The following LY86 variants were observed in gnomAD, a reference collection of about 807,000 sequenced individuals.
The protein encoded by LY86 is lymphocyte antigen 86, also known as MD-1, RP105-associated.
LY86 carries 20 observed loss-of-function variants against 17.3 expected under a neutral mutation model. The observed-to-expected ratio is 1.15, with a 90% confidence interval of 0.81 to 1.68. LY86 has a LOEUF of 1.68. Among genes scored for constraint, LY86 ranks in the 40% most tolerant of loss-of-function variants. The pLI, the probability that LY86 is intolerant of heterozygous loss-of-function variation, is 0.00. For missense variants in LY86, 200 were observed against 191.9 expected, an observed-to-expected ratio of 1.04 and a Z score of -0.25; for synonymous variants, 74 against 70.6, an observed-to-expected ratio of 1.05 and a Z score of -0.24.
intron 4 of LY86, among the ~76,000 whole-genome samples, chr6:6,650,442 C>T (rs558584787): frequency 6.6e-6 from 1 of 151,144 alleles, no homozygotes; most frequent in African/African-American, 2.4e-5. Context: ...TCAAGCTATT[C>T]TTCCGCCTCA....
At chr6:6,613,889 T>C (rs534068887) in intron 1 of LY86, among the ~76,000 whole-genome samples, 2 of 152,178 alleles carry the variant, frequency 1.3e-5, no homozygotes, top group Non-Finnish European at 2.9e-5. Context: ...CACAGTGCAG[T>C]GTAAAGAGCG....
intron 3 of LY86, among the ~76,000 whole-genome samples, chr6:6,627,802 A>G (rs1159889015): frequency 6.6e-6 from 1 of 152,168 alleles, no homozygotes; most frequent in African/African-American, 2.4e-5. Flanking sequence ...AACTTCATAA[A>G]TGTGTAACTG....
intron 1 of LY86, among the ~76,000 whole-genome samples, chr6:6,613,460 G>A (rs1229410604): frequency 1.3e-5 from 2 of 152,178 alleles, no homozygotes; most frequent in Non-Finnish European, 2.9e-5. Flanking sequence ...AAGGCCCGGT[G>A]AGAAATCGAG....
chr6:6,619,827 C>G (rs76282872), intron 1 of LY86, among the ~76,000 whole-genome samples: 1,578 of 151,452 alleles, frequency 0.01, 32 homozygotes, highest in African/African-American at 0.037. Context: ...AAAAGAGAAA[C>G]AGAGAGAGAG....
chr6:6,599,737 G>A (rs774322154), intron 1 of LY86, among the ~76,000 whole-genome samples: 2 of 152,224 alleles, frequency 1.3e-5, no homozygotes, highest in African/African-American at 4.8e-5. Context: ...AAGAGCCTCA[G>A]GGCTTCAAGC....
At chr6:6,612,876 T>C (rs1016975355) in intron 1 of LY86, among the ~76,000 whole-genome samples, 11 of 151,954 alleles carry the variant, frequency 7.2e-5, no homozygotes, top group African/African-American at 2.7e-4. Flanking sequence ...TTACATTCCC[T>C]TAGCTAGACA....
At chr6:6,647,791 C>T (rs891646323) in intron 3 of LY86, among the ~76,000 whole-genome samples, 5 of 152,118 alleles carry the variant, frequency 3.3e-5, no homozygotes, top group African/African-American at 1.2e-4. Flanking sequence ...AATTCTATCT[C>T]CTTTGGGTGA....
At chr6:6,599,260 C>T (rs1760822428) in intron 1 of LY86, among the ~76,000 whole-genome samples, 1 of 152,188 alleles carries the variant, frequency 6.6e-6, no homozygotes, top group South Asian at 2.1e-4. Flanking sequence ...AAGACAGAAT[C>T]ACGAGAGATG....
intron 1 of LY86, among the ~76,000 whole-genome samples, chr6:6,617,570 C>T (rs1053241052): frequency 5.9e-5 from 9 of 152,122 alleles, no homozygotes; most frequent in African/African-American, 2.2e-4. Context: ...ATTATACATA[C>T]GATGATACCA....
intron 3 of LY86, among the ~76,000 whole-genome samples, chr6:6,639,949 T>C (rs149074670): frequency 3.3e-5 from 5 of 152,302 alleles, no homozygotes; most frequent in African/African-American, 1.2e-4. Flanking sequence ...TTAAAATGCT[T>C]TCATAGAAGT....
chr6:6,623,657 G>T (rs1245862647), intron 1 of LY86, among the ~76,000 whole-genome samples: 1 of 152,170 alleles, frequency 6.6e-6, no homozygotes, highest in African/African-American at 2.4e-5. Context: ...GCTTACTGTG[G>T]ATCAGACTGT....
intron 1 of LY86, among the ~76,000 whole-genome samples, chr6:6,591,799 G>C (rs1273313224): frequency 1.3e-5 from 2 of 152,332 alleles, no homozygotes; most frequent in East Asian, 1.9e-4. Flanking sequence ...CTGTGGTCTA[G>C]AGTTTAATCA....
intron 1 of LY86, among the ~76,000 whole-genome samples, chr6:6,603,632 A>C (rs577411281): frequency 8.4e-4 from 114 of 135,862 alleles, no homozygotes; most frequent in Middle Eastern, 4.0e-3. Context: ...AAAAAAACAA[A>C]ACACACACAC....
chr6:6,595,225 G>C (rs1415019765), intron 1 of LY86, among the ~76,000 whole-genome samples: 1 of 150,510 alleles, frequency 6.6e-6, no homozygotes, highest in Non-Finnish European at 1.5e-5. Context: ...AAGGGGAAAA[G>C]GAGTAGGAGG....
At chr6:6,596,266 TA>T (rs1760710310) in intron 1 of LY86, among the ~76,000 whole-genome samples, 1 of 152,172 alleles carries the variant, frequency 6.6e-6, no homozygotes, top group Non-Finnish European at 1.5e-5. Context: ...ACCAACAGGA[TA>T]TATTGATAAA....
At chr6:6,619,889 AGAG>A (rs1302741881) in intron 1 of LY86, among the ~76,000 whole-genome samples, 1 of 152,088 alleles carries the variant, frequency 6.6e-6, no homozygotes, top group Admixed American at 6.5e-5. Flanking sequence ...GGAAGAGAGA[AGAG>A]GAGAGCTAGG....
intron 1 of LY86, among the ~76,000 whole-genome samples, chr6:6,611,518 C>T (rs1761331504): frequency 6.6e-6 from 1 of 152,188 alleles, no homozygotes; most frequent in Admixed American, 6.5e-5. Flanking sequence ...TCTGTAATTA[C>T]TGCAAGTATT....
At chr6:6,619,687 G>A (rs1157382354) in intron 1 of LY86, among the ~76,000 whole-genome samples, 1 of 152,202 alleles carries the variant, frequency 6.6e-6, no homozygotes, top group Non-Finnish European at 1.5e-5. Flanking sequence ...GCACATGCAG[G>A]AAGCAATACC....
At chr6:6,600,786 AT>A (rs1431873001) in intron 1 of LY86, among the ~76,000 whole-genome samples, 1 of 151,982 alleles carries the variant, frequency 6.6e-6, no homozygotes, top group Non-Finnish European at 1.5e-5. Context: ...CACTGGGATC[AT>A]TTGCCACGGG....
Sources: allele counts gnomAD v4.1 joint callset (sites outside exome capture counted in the v4.1 genomes callset), GRCh38; gene constraint gnomAD v4.1.1; transcripts MANE v1.5; gene names NCBI Gene and HGNC (gene_info 2026-07-23, HGNC 2026-07-21).